Variants in PGPEP1L observed in about 807,000 individuals in gnomAD.
PGPEP1L encodes pyroglutamyl-peptidase 1-like protein.
A neutral mutation model predicts 6.0 loss-of-function variants in PGPEP1L; 7 were observed. The ratio of observed to expected loss-of-function variants is 1.17; its 90% CI spans 0.66 to 2.19. PGPEP1L has a LOEUF of 2.19. Among genes scored for constraint, PGPEP1L ranks in the 30% most tolerant of loss-of-function variants. The pLI is 0.00. For missense variants in PGPEP1L, 209 were observed against 192.5 expected (o/e 1.09, Z -0.51); for synonymous variants, 103 against 83.9 (o/e 1.23, Z -1.24).
intron 4 of PGPEP1L, 81 bp downstream of exon 4, chr15:98,969,344 G>T: frequency 3.2e-6 from 5 of 1,554,666 alleles, no homozygotes; most frequent in Non-Finnish European, 4.4e-6. Context: ...GATACAGGAT[G>T]GCTTCTTGGA....
In PGPEP1L at chr15:98,984,407, T is replaced by C. The variant is rs1027196862; in HGVS notation, c.-141-13249A>G. ...TGCAGGAGGATAGAAAAGAAAACTA[T>C]TCATTCATGTATCTAGTGAACACAT... On this transcript the variant is annotated intron_variant, in intron 2 of 4. Coordinates refer to ENST00000535714, the MANE Select transcript of PGPEP1L (RefSeq NM_001167902.2). 5.3e-5 allele frequency among the ~76,000 whole-genome samples: 8 copies of C among 152,280 alleles called. No homozygotes were observed. The South Asian group carries it at 1.5e-3, about 28-fold the overall frequency.
In PGPEP1L at chr15:98,982,700, C is replaced by CTTTTTTTTTTTTT. The variant is rs369749842; in HGVS notation, c.-141-11555_-141-11543dup. Among the ~76,000 whole-genome samples, 276 of 52,492 alleles carry CTTTTTTTTTTTTT rather than the reference C, an allele frequency of 5.3e-3. 52 individuals carry two copies. Among genetic ancestry groups the CTTTTTTTTTTTTT allele is most frequent in the Non-Finnish European group, 9.3e-3 (221 of 23,882 alleles). The allele number at this position is 52,492 out of a possible 152,430, so 34.4% of individuals were successfully genotyped here. On this transcript the variant is annotated intron_variant, in intron 2 of 4. Transcript: ENST00000535714. The stretch of plus-strand genomic sequence containing the variant: ...TCACTCTGGTTATTTTTATCTGAGG[C>CTTTTTTTTTTTTT]TTTTTTTTTTTTTTTTTTTTTTTTT...
At chr15:98,976,942 TACA>T (rs1321628597) in intron 2 of PGPEP1L, among the ~76,000 whole-genome samples, 2 of 146,140 alleles carry the variant, frequency 1.4e-5, no homozygotes, top group Non-Finnish European at 3.0e-5. Context: ...GTATAATGGG[TACA>T]ACAATACTGT....
At chr15:99,002,532 C>G (rs2017988249) in intron 2 of PGPEP1L, among the ~76,000 whole-genome samples, 1 of 152,150 alleles carries the variant, frequency 6.6e-6, no homozygotes, top group Non-Finnish European at 1.5e-5. Flanking sequence ...TTGAATTATA[C>G]CAATGTCAAT....
chr15:98,968,858 G>A (rs1403709940), intron 4 of PGPEP1L, among the ~76,000 whole-genome samples, 161 bp from the exon 5 acceptor site: 4 of 152,248 alleles, frequency 2.6e-5, no homozygotes, highest in African/African-American at 9.6e-5. Context: ...ATGGTGCCAG[G>A]ATGAGCTGGG....
intron 2 of PGPEP1L, 45 bp from the exon 3 acceptor site, chr15:98,971,203 G>A (rs750356740): frequency 8.7e-6 from 8 of 917,772 alleles, no homozygotes; most frequent in African/African-American, 2.1e-5. Flanking sequence ...ATGGGGGGGG[G>A]GGGGGGGTGG....
At chr15:98,994,950 G>A (rs1236493986) in intron 2 of PGPEP1L, among the ~76,000 whole-genome samples, 4 of 152,170 alleles carry the variant, frequency 2.6e-5, no homozygotes, top group African/African-American at 9.7e-5. Context: ...ATTTTTCCAA[G>A]TAATGTCTTT....
chr15:98,997,847 T>C (rs2017909466), intron 2 of PGPEP1L, among the ~76,000 whole-genome samples: 1 of 152,110 alleles, frequency 6.6e-6, no homozygotes, highest in Non-Finnish European at 1.5e-5. Context: ...CCAGCGAACC[T>C]GCTCTGAGGA....
intron 2 of PGPEP1L, 36 bp from the exon 3 acceptor site, chr15:98,971,194 T>TGG (rs57036063): frequency 3.2e-5 from 19 of 587,138 alleles, no homozygotes; most frequent in African/African-American, 2.0e-4. Context: ...CCTCAGTTGA[T>TGG]GGGGGGGGGG....
rs577467852 is a variant in PGPEP1L at position 99,000,568 on chromosome 15, A to G, written c.-142+4861T>C. Among the ~76,000 whole-genome samples the G allele has an allele frequency of 1.9e-4, 29 of 152,334 alleles. 1 individual carries two copies. The South Asian group carries it at 3.5e-3, about 18-fold the overall frequency. On this transcript the variant is annotated intron_variant, in intron 2 of 4. Transcript: ENST00000535714. ...CTCAAGGTTTGTAAACACACCAATC[A>G]GCACCCTGTGTCTAGCTCAGGGTTT...
chr15:98,982,482 A>G (rs2017678860), intron 2 of PGPEP1L, among the ~76,000 whole-genome samples: 1 of 152,154 alleles, frequency 6.6e-6, no homozygotes, highest in Non-Finnish European at 1.5e-5. Context: ...TGGGGCTCAC[A>G]CTACAGTCAC....
intron 2 of PGPEP1L, among the ~76,000 whole-genome samples, chr15:98,994,299 C>G (rs1362100283): frequency 6.6e-6 from 1 of 152,064 alleles, no homozygotes; most frequent in African/African-American, 2.4e-5. Context: ...GATTATCCTT[C>G]TTGGCCTATA....
In PGPEP1L at chr15:98,977,864, G is replaced by T. The variant is rs117642288; in HGVS notation, c.-141-6706C>A. Among the ~76,000 whole-genome samples the T allele has an allele frequency of 7.4e-4, 112 of 152,318 alleles. No homozygotes were observed. The East Asian group carries it at 0.02, about 28-fold the overall frequency. On this transcript the variant is annotated intron_variant, in intron 2 of 4. Transcript: ENST00000535714. ...TTACAAGCACTGTTATTAGGAGCAT[G>T]AATGTTTACATCTATTATGTCTTAT...
chr15:99,007,153 G>A (rs565923679), intron 1 of PGPEP1L, among the ~76,000 whole-genome samples: 70 of 152,322 alleles, frequency 4.6e-4, no homozygotes, highest in Admixed American at 1.6e-3. Context: ...ACTGCCAACA[G>A]GTGGGAAGCG....
intron 2 of PGPEP1L, among the ~76,000 whole-genome samples, chr15:98,981,455 A>G (rs2017659511): frequency 1.3e-5 from 2 of 148,352 alleles, no homozygotes; most frequent in South Asian, 4.3e-4. Flanking sequence ...GCACCACTGC[A>G]CTCCAGCCTG....
intron 2 of PGPEP1L, among the ~76,000 whole-genome samples, chr15:98,995,188 T>C (rs544831794): frequency 6.6e-6 from 1 of 152,350 alleles, no homozygotes; most frequent in Non-Finnish European, 1.5e-5. Context: ...ATTTAGAACA[T>C]CACATTTTAT....
chr15:98,987,915 C>T (rs1284494042), intron 2 of PGPEP1L, among the ~76,000 whole-genome samples: 1 of 152,112 alleles, frequency 6.6e-6, no homozygotes, highest in Non-Finnish European at 1.5e-5. Flanking sequence ...CCAAGGGAAG[C>T]TGTGAGAGAC....
At chr15:98,993,193 T>C (rs921918812) in intron 2 of PGPEP1L, among the ~76,000 whole-genome samples, 1 of 152,294 alleles carries the variant, frequency 6.6e-6, no homozygotes, top group East Asian at 1.9e-4. Flanking sequence ...GAGAACATTT[T>C]TGCAATCTAC....
intron 2 of PGPEP1L, among the ~76,000 whole-genome samples, chr15:98,983,827 T>C (rs1229439179): frequency 6.6e-6 from 1 of 152,188 alleles, no homozygotes; most frequent in Non-Finnish European, 1.5e-5. Context: ...GTATTTTTCT[T>C]CTTTTCAAAA....
Sources: allele counts gnomAD v4.1 joint callset (sites outside exome capture counted in the v4.1 genomes callset), GRCh38; gene constraint gnomAD v4.1.1; transcripts MANE v1.5; gene names NCBI Gene and HGNC (gene_info 2026-07-23, HGNC 2026-07-21).